The following LYPD6B variants were observed in gnomAD, a reference collection of about 807,000 sequenced individuals.
The protein encoded by LYPD6B is LY6/PLAUR domain containing 6B.
A neutral mutation model predicts 22.8 loss-of-function variants in LYPD6B; 17 were observed. The observed-to-expected ratio is 0.75, with a 90% CI of 0.51 to 1.12. LYPD6B has a LOEUF of 1.12. Among genes scored for constraint, LYPD6B ranks in the 50% most tolerant of loss-of-function variants. The probability of loss-of-function intolerance (pLI) is 0.00; values close to 1 mark genes in which losing one functional copy is unlikely to be tolerated. For missense variants in LYPD6B, 221 were observed against 258.3 expected, an observed-to-expected ratio of 0.86 and a Z score of 0.99; for synonymous variants, 106 against 91.6, an observed-to-expected ratio of 1.16 and a Z score of -0.90.
rs566036663 is a variant in LYPD6B, at chr2:149,123,689, C to T, written c.-66-7194C>T. 9.2e-5 allele frequency among the ~76,000 whole-genome samples: 14 copies of T among 152,256 alleles called. 1 individual carries two copies. The East Asian group carries it at 2.5e-3, about 27-fold the overall frequency. Reference sequence around the variant, plus strand: ...CCATCCTGGCCAACATGGTGAAACCCTGTCCCTACTAAAAATACAAAAATT... The same window carrying T: ...CCATCCTGGCCAACATGGTGAAACCTTGTCCCTACTAAAAATACAAAAATT... On this transcript the variant is annotated intron_variant, in intron 1 of 6. Transcript: ENST00000409642.
intron 2 of LYPD6B, among the ~76,000 whole-genome samples, chr2:149,146,914 C>G (rs955362532): frequency 6.6e-6 from 1 of 152,168 alleles, no homozygotes; most frequent in Non-Finnish European, 1.5e-5. Context: ...ACAACACTGT[C>G]AGGGCACAAG....
chr2:149,118,162 T>C (rs1687097148), intron 1 of LYPD6B: 1 of 152,226 alleles, frequency 6.6e-6, no homozygotes, highest in East Asian at 1.9e-4. Flanking sequence ...CATAAGAGAC[T>C]AGCCAGGCTT....
At chr2:149,179,978 C>G (rs1331124849) in intron 3 of LYPD6B, among the ~76,000 whole-genome samples, 2 of 152,158 alleles carry the variant, frequency 1.3e-5, no homozygotes, top group South Asian at 4.2e-4. Context: ...TTTATTTTTC[C>G]TGACAATAAT....
chr2:149,113,625 C>G (rs991267363), intron 1 of LYPD6B, among the ~76,000 whole-genome samples: 3 of 152,084 alleles, frequency 2.0e-5, no homozygotes, highest in Non-Finnish European at 1.5e-5. Flanking sequence ...TGTGTATATG[C>G]TGTTCCATTT....
In LYPD6B at chr2:149,111,174, C is replaced by T. The variant is rs563327323; in HGVS notation, c.-66-19709C>T. On this transcript the variant is annotated intron_variant, in intron 1 of 6. Coordinates refer to ENST00000409642, the MANE Select transcript of LYPD6B (RefSeq NM_177964.5). ...GGACCCCCAGGAGGATGGGGGATCA[C>T]GTAAGGTTTTGCTGAAGGTGGTAAG... Among the ~76,000 whole-genome samples, 9 of 152,042 alleles carry T rather than the reference C, an allele frequency of 5.9e-5. No homozygotes were observed. The South Asian group carries it at 6.2e-4, about 11-fold the overall frequency.
intron 3 of LYPD6B, among the ~76,000 whole-genome samples, chr2:149,196,112 G>A (rs1192418535): frequency 6.6e-6 from 1 of 152,134 alleles, no homozygotes; most frequent in African/African-American, 2.4e-5. Context: ...TCAGTTTCCA[G>A]GGAATATGAA....
At chr2:149,214,224 C>T (rs1694053490) in intron 6 of LYPD6B, among the ~76,000 whole-genome samples, 1 of 152,074 alleles carries the variant, frequency 6.6e-6, no homozygotes, top group Non-Finnish European at 1.5e-5. Flanking sequence ...GAGTGTTTTC[C>T]CTTACAAACC....
At chr2:149,066,021 T>G (rs1684310910) in intron 1 of LYPD6B, among the ~76,000 whole-genome samples, 1 of 152,078 alleles carries the variant, frequency 6.6e-6, no homozygotes, top group Non-Finnish European at 1.5e-5. Flanking sequence ...CCTAATAAAA[T>G]TTTATTTACA....
intron 2 of LYPD6B, among the ~76,000 whole-genome samples, chr2:149,132,417 G>A (rs1688086959): frequency 6.6e-6 from 1 of 151,896 alleles, no homozygotes; most frequent in Admixed American, 6.6e-5. Flanking sequence ...AGTGGAACAT[G>A]ATTGCTTAGG....
intron 1 of LYPD6B, among the ~76,000 whole-genome samples, chr2:149,077,008 G>T (rs116400879): frequency 1.3e-5 from 2 of 152,132 alleles, no homozygotes; most frequent in African/African-American, 4.8e-5. Context: ...GTAGGTGCAG[G>T]GTTTGTAGCC....
intron 1 of LYPD6B, among the ~76,000 whole-genome samples, chr2:149,122,042 T>A (rs553700209): frequency 6.6e-6 from 1 of 152,206 alleles, no homozygotes; most frequent in East Asian, 1.9e-4. Flanking sequence ...ACCATAATTG[T>A]GGAAGTTTGT....
intron 3 of LYPD6B, among the ~76,000 whole-genome samples, chr2:149,179,745 G>A (rs560598137): frequency 1.4e-4 from 21 of 152,280 alleles, no homozygotes; most frequent in African/African-American, 4.6e-4. Context: ...GTGACGTGCC[G>A]CCCTGCCAGC....
intron 1 of LYPD6B, among the ~76,000 whole-genome samples, chr2:149,072,526 T>TATTTTATTTTATTTTATTTC (rs1684668065): frequency 4.3e-5 from 6 of 139,328 alleles, no homozygotes; most frequent in Admixed American, 2.9e-4. Flanking sequence ...TATTTTATTT[T>TATTTTATTTTATTTTATTTC]ATTTTATTTC....
chr2:149,096,119 G>C (rs1276986305), intron 1 of LYPD6B, among the ~76,000 whole-genome samples: 1 of 151,966 alleles, frequency 6.6e-6, no homozygotes, highest in Admixed American at 6.6e-5. Flanking sequence ...ACAGAGAAGA[G>C]AGAATGGCTC....
intron 1 of LYPD6B, among the ~76,000 whole-genome samples, chr2:149,071,640 G>A (rs1684607598): frequency 6.6e-6 from 1 of 152,150 alleles, no homozygotes; most frequent in Non-Finnish European, 1.5e-5. Flanking sequence ...CAAGGACTGA[G>A]CACTGTCCTA....
intron 2 of LYPD6B, among the ~76,000 whole-genome samples, chr2:149,149,012 G>A (rs150957015): frequency 1.3e-5 from 2 of 152,268 alleles, no homozygotes; most frequent in African/African-American, 4.8e-5. Context: ...GGAACTAACC[G>A]AAGCAGAAGG....
At chr2:149,144,944 C>T (rs889787829) in intron 2 of LYPD6B, among the ~76,000 whole-genome samples, 11 of 152,046 alleles carry the variant, frequency 7.2e-5, no homozygotes, top group Non-Finnish European at 1.3e-4. Flanking sequence ...TTGTTACTGC[C>T]CATTGATTGT....
chr2:149,206,731 A>G (rs1484264232), intron 4 of LYPD6B, among the ~76,000 whole-genome samples: 1 of 152,134 alleles, frequency 6.6e-6, no homozygotes, highest in Non-Finnish European at 1.5e-5. Context: ...ATTTCCTTCC[A>G]GTATTTTTTC....
intron 1 of LYPD6B, among the ~76,000 whole-genome samples, chr2:149,104,691 C>A (rs13014642): frequency 0.3 from 45,547 of 151,978 alleles, 7,814 homozygotes; most frequent in East Asian, 0.84. Flanking sequence ...TTAACAATGT[C>A]TTTCAAAGAA....
Sources: gnomAD v4.1 joint callset for allele counts (sites outside exome capture counted in the v4.1 genomes callset) on GRCh38, gnomAD v4.1.1 for gene constraint, MANE v1.5 for transcripts, NCBI Gene and HGNC (gene_info 2026-07-23, HGNC 2026-07-21) for gene names.